The following CORO2B variants were observed in gnomAD, a reference collection of about 807,000 sequenced individuals.
CORO2B encodes the protein coronin 2B, also known as coronin-2B.
A neutral mutation model predicts 58.8 loss-of-function variants in CORO2B; 26 were observed. The observed-to-expected ratio is 0.44, with a 90% CI of 0.32 to 0.61. CORO2B has a LOEUF of 0.61. CORO2B is among the 20% of genes least tolerant of loss of function. CORO2B has a pLI of 0.04. For synonymous variants in CORO2B, 242 were observed against 253.8 expected (o/e 0.95, Z 0.44); for missense variants, 460 against 645.1 (o/e 0.71, Z 3.11).
chr15:68,690,191 C>T (rs1162199828), intron 2 of CORO2B, among the ~76,000 whole-genome samples: 4 of 152,090 alleles, frequency 2.6e-5, no homozygotes, highest in Non-Finnish European at 4.4e-5. Context: ...AATCAGTGAT[C>T]GTGGGAATAT....
At chr15:68,535,124 T>C in the CORO2B span, among the ~76,000 whole-genome samples, 1 of 152,174 alleles carries the variant, frequency 6.6e-6, no homozygotes, top group Non-Finnish European at 1.5e-5. Flanking sequence ...CTGAGTCTCC[T>C]AGGCACCTCA....
chr15:68,562,831 G>T, the CORO2B span, among the ~76,000 whole-genome samples: 2 of 151,864 alleles, frequency 1.3e-5, no homozygotes, highest in African/African-American at 4.8e-5. Flanking sequence ...CAAAAAATTA[G>T]CCGGGCGTGG....
the CORO2B span, among the ~76,000 whole-genome samples, chr15:68,553,118 A>G: frequency 1.3e-5 from 2 of 152,214 alleles, no homozygotes; most frequent in Non-Finnish European, 2.9e-5. Context: ...ACACATGTGG[A>G]TGTGTACAAC....
chr15:68,673,899 A>G (rs1902487832), intron 2 of CORO2B, among the ~76,000 whole-genome samples: 2 of 151,774 alleles, frequency 1.3e-5, no homozygotes, highest in African/African-American at 4.8e-5. Flanking sequence ...GTGGGTGACT[A>G]ACTAGGAAAG....
At chr15:68,663,494 G>A (rs780708993) in intron 2 of CORO2B, among the ~76,000 whole-genome samples, 4 of 152,098 alleles carry the variant, frequency 2.6e-5, no homozygotes, top group Non-Finnish European at 5.9e-5. Flanking sequence ...GCACACACAC[G>A]CAGAAGAATT....
intron 2 of CORO2B, among the ~76,000 whole-genome samples, chr15:68,680,391 C>T (rs906974420): frequency 2.6e-5 from 4 of 151,914 alleles, no homozygotes; most frequent in African/African-American, 4.8e-5. Context: ...AACAAACACC[C>T]GTGAAATAAA....
the CORO2B span, among the ~76,000 whole-genome samples, chr15:68,522,710 T>C: frequency 2.0e-5 from 3 of 152,244 alleles, no homozygotes; most frequent in Non-Finnish European, 2.9e-5. Context: ...TTGCTTGATT[T>C]TTAAAAATAG....
chr15:68,669,019 G>T (rs139197340), intron 2 of CORO2B, among the ~76,000 whole-genome samples: 1 of 151,220 alleles, frequency 6.6e-6, no homozygotes, highest in Non-Finnish European at 1.5e-5. Flanking sequence ...CAGAGGTTGC[G>T]GTGAGCCAAG....
chr15:68,709,275 A>G (rs1156266839), intron 3 of CORO2B, among the ~76,000 whole-genome samples: 1 of 152,168 alleles, frequency 6.6e-6, no homozygotes, highest in East Asian at 1.9e-4. Flanking sequence ...ACTCTGATTT[A>G]TAATACTACC....
chr15:68,641,773 G>A lies in CORO2B; in HGVS notation c.16-3387G>A, dbSNP rs564270387. ...AGAGTTCGGCACTGTCGCCCAGGTG[G>A]TAGTGCAGTGGTGCGACTCAGCCCA... is the stretch of plus-strand genomic sequence containing the variant. On this transcript the variant is annotated intron_variant, in intron 1 of 11. Coordinates refer to ENST00000261861, the MANE Select transcript of CORO2B (RefSeq NM_006091.5). Among the ~76,000 whole-genome samples, 45 of 152,202 alleles carry A rather than the reference G, an allele frequency of 3.0e-4. 1 individual carries two copies. The highest frequency in any genetic ancestry group is 1.1e-3 in the African/African-American group (45 of 41,518).
the CORO2B span, among the ~76,000 whole-genome samples, chr15:68,546,967 C>T: frequency 6.6e-6 from 1 of 152,026 alleles, no homozygotes; most frequent in Non-Finnish European, 1.5e-5. Flanking sequence ...TAATTTATGG[C>T]CAGCTTAATT....
At chr15:68,595,233 G>T (rs1338687270) in intron 1 of CORO2B, among the ~76,000 whole-genome samples, 1 of 152,200 alleles carries the variant, frequency 6.6e-6, no homozygotes, top group Admixed American at 6.5e-5. Context: ...ACCCTACCCT[G>T]CCTCAGGTTG....
intron 3 of CORO2B, among the ~76,000 whole-genome samples, chr15:68,707,503 C>T (rs552725618): frequency 2.0e-5 from 3 of 152,084 alleles, no homozygotes; most frequent in South Asian, 2.1e-4. Flanking sequence ...TAATAGAGGT[C>T]GATTATATTC....
chr15:68,596,910 G>A (rs1899845503), intron 1 of CORO2B, among the ~76,000 whole-genome samples: 1 of 152,148 alleles, frequency 6.6e-6, no homozygotes, highest in South Asian at 2.1e-4. Context: ...GGCCCATGGA[G>A]CCCATCCTGT....
chr15:68,701,590 A>G (rs111771138), intron 3 of CORO2B, among the ~76,000 whole-genome samples: 4 of 141,162 alleles, frequency 2.8e-5, no homozygotes, highest in African/African-American at 1.1e-4. Flanking sequence ...GGTTCACGCC[A>G]TTCTCCTGCC....
intron 1 of CORO2B, among the ~76,000 whole-genome samples, chr15:68,619,958 C>A (rs1165205058): frequency 6.6e-6 from 1 of 152,112 alleles, no homozygotes; most frequent in Non-Finnish European, 1.5e-5. Flanking sequence ...GTCTCCCAGG[C>A]TGGAGTACAG....
the CORO2B span, among the ~76,000 whole-genome samples, chr15:68,555,958 G>A: frequency 6.6e-6 from 1 of 152,236 alleles, no homozygotes; most frequent in Non-Finnish European, 1.5e-5. Context: ...GAGATGGTCT[G>A]GAACTGTCAG....
intron 2 of CORO2B, among the ~76,000 whole-genome samples, chr15:68,675,095 G>C (rs1270305619): frequency 6.6e-6 from 1 of 152,176 alleles, no homozygotes; most frequent in East Asian, 1.9e-4. Flanking sequence ...TGGAACTACA[G>C]TATTGTTCTC....
intron 2 of CORO2B, among the ~76,000 whole-genome samples, chr15:68,650,858 TCAGTG>T (rs1236290607): frequency 6.6e-6 from 1 of 152,162 alleles, no homozygotes; most frequent in African/African-American, 2.4e-5. Context: ...AGAGAGGGGC[TCAGTG>T]CAGGGTGTGC....
Sources: gnomAD v4.1 joint callset for allele counts (sites outside exome capture counted in the v4.1 genomes callset) on GRCh38, gnomAD v4.1.1 for gene constraint, MANE v1.5 for transcripts, NCBI Gene and HGNC (gene_info 2026-07-23, HGNC 2026-07-21) for gene names.